The following BRWD1 variants were observed in gnomAD, a reference collection of about 807,000 sequenced individuals.
BRWD1 encodes bromodomain and WD repeat-containing protein 1.
BRWD1 carries 82 observed loss-of-function variants against 251.2 expected under a neutral mutation model. The observed-to-expected ratio is 0.33, with a 90% CI of 0.27 to 0.39. BRWD1 has a LOEUF of 0.39. Among genes scored for constraint, BRWD1 ranks in the 10% least tolerant of loss-of-function variants. BRWD1 has a pLI of 1.00. For synonymous variants in BRWD1, 918 were observed against 902.8 expected, an observed-to-expected ratio of 1.02 and a Z score of -0.30; for missense variants, 2,233 against 2,711.6, an observed-to-expected ratio of 0.82 and a Z score of 3.92.
At chr21:39,222,786 T>C (rs2033229416) in intron 29 of BRWD1, among the ~76,000 whole-genome samples, 1 of 152,154 alleles carries the variant, frequency 6.6e-6, no homozygotes, top group Non-Finnish European at 1.5e-5. Flanking sequence ...AGAAACAAGA[T>C]TTTTGCAGCA....
intron 22 of BRWD1, among the ~76,000 whole-genome samples, chr21:39,237,046 T>G (rs566349302): frequency 6.6e-6 from 1 of 152,112 alleles, no homozygotes; most frequent in Admixed American, 6.5e-5. Context: ...AATTTAGGTA[T>G]ATTGTAGATA....
At chr21:39,299,239 G>T (rs1172942458) in intron 4 of BRWD1, among the ~76,000 whole-genome samples, 2 of 64,338 alleles carry the variant, frequency 3.1e-5, no homozygotes, top group African/African-American at 1.1e-4. Flanking sequence ...ACGCTAACTC[G>T]CCTGTCTCAA....
At position 39,202,513 on chromosome 21, in the gene BRWD1, G is replaced by T. The variant is rs758311275; in HGVS notation, c.4397C>A (p.Thr1466Lys). 1.9e-6 allele frequency: 3 copies of T among 1,613,032 alleles called. No individual in the cohort carries two copies. Among genetic ancestry groups the T allele is most frequent in the Non-Finnish European group, 1.7e-6 (2 of 1,179,128 alleles). The change falls in exon 38 of 41, where the codon ACA becomes AAA. Residue 1466 changes from threonine to lysine, a missense_variant. Coordinates refer to ENST00000342449, the MANE Select transcript of BRWD1 (RefSeq NM_033656.4). ...ACCTACCAACTCAGGAATTATTTTT[G>T]TCTGAGATTTTAACCTCTTCGGCTT... ...NLKPKRLKSQ[T>K]KIIPELVGSP... is the part of the protein sequence containing the mutation.
intron 7 of BRWD1, among the ~76,000 whole-genome samples, chr21:39,294,691 TATA>T (rs1047627929): frequency 1.3e-5 from 2 of 150,194 alleles, no homozygotes; most frequent in Non-Finnish European, 3.0e-5. Context: ...CATCAAGCTA[TATA>T]ATGTGATGAA....
Position 39,192,093 on chromosome 21 carries a change from C to A in BRWD1, c.*4166G>T, listed in dbSNP as rs552025066. Reference sequence around the variant, plus strand: ...ACACCAATTTAAAGATATTTTTCTACCAATTTAACAATATATTAGGAACCA... The same window carrying A: ...ACACCAATTTAAAGATATTTTTCTAACAATTTAACAATATATTAGGAACCA... On this transcript the variant is annotated 3_prime_UTR_variant, in exon 41 of 41. Transcript: ENST00000342449. 1,045 of 984,964 alleles carry A rather than the reference C, an allele frequency of 1.1e-3. No individual in the cohort carries two copies. Among genetic ancestry groups the A allele is most frequent in the Non-Finnish European group, 1.2e-3 (1,005 of 829,744 alleles). 61.0% of individuals were successfully genotyped at this position (984,964 alleles called of 1,614,324 possible).
At chr21:39,313,890 C>G (rs956383727), upstream of BRWD1, 6 of 322,680 alleles carry the variant, frequency 1.9e-5, no homozygotes, top group East Asian at 6.9e-4. Context: ...GAGGCGGCTG[C>G]CCGGGCTTTG....
intron 31 of BRWD1, among the ~76,000 whole-genome samples, chr21:39,217,945 C>T (rs978769926): frequency 1.3e-5 from 2 of 150,866 alleles, no homozygotes; most frequent in African/African-American, 2.4e-5. Context: ...GAAAAAAAAA[C>T]GAGGGTGAAA....
intron 4 of BRWD1, among the ~76,000 whole-genome samples, chr21:39,301,978 G>GGTT (rs1555877802): frequency 1.3e-5 from 1 of 79,866 alleles, no homozygotes; most frequent in Non-Finnish European, 2.2e-5. Flanking sequence ...AGCTTTGTGT[G>GGTT]TTTTTTTTTT....
At chr21:39,247,946 C>T (rs1024573469) in intron 20 of BRWD1, 114 bp from the exon 21 acceptor site, 2 of 1,241,386 alleles carry the variant, frequency 1.6e-6, no homozygotes, top group Non-Finnish European at 2.1e-6. Flanking sequence ...GAAAAAAAGG[C>T]TTAAAAAGAA....
At chr21:39,320,628 C>T (rs1056540429) in intron 1 of BRWD1, among the ~76,000 whole-genome samples, 1 of 151,782 alleles carries the variant, frequency 6.6e-6, no homozygotes, top group Non-Finnish European at 1.5e-5. Flanking sequence ...CTACCATACC[C>T]AAGCCGTTAA....
chr21:39,231,046 C>T lies in BRWD1; in HGVS notation c.3000+1131G>A, dbSNP rs375773199. 1.2e-4 allele frequency among the ~76,000 whole-genome samples: 18 copies of T among 152,064 alleles called. No individual in the cohort carries two copies. The South Asian group carries it at 1.9e-3, about 16-fold the overall frequency. On this transcript the variant is annotated intron_variant, in intron 25 of 40. Coordinates refer to ENST00000342449, the MANE Select transcript of BRWD1 (RefSeq NM_033656.4). The stretch of plus-strand genomic sequence containing the variant: ...TAAGTTAAACAGACATAAATAAAAC[C>T]GCCAATGTATATAAAGCCTAACTTA...
chr21:39,231,379 T>G, intron 25 of BRWD1, among the ~76,000 whole-genome samples: 1 of 152,124 alleles, frequency 6.6e-6, no homozygotes, highest in Non-Finnish European at 1.5e-5. Context: ...TCAACAAATA[T>G]TTTTCAACCT....
intron 21 of BRWD1, among the ~76,000 whole-genome samples, chr21:39,239,031 G>C (rs2033904265): frequency 6.6e-6 from 1 of 152,022 alleles, no homozygotes; most frequent in East Asian, 1.9e-4. Flanking sequence ...TTTTAAATTA[G>C]GCTGCCTTCT....
chr21:39,279,013 G>C (rs2035366425), intron 9 of BRWD1, among the ~76,000 whole-genome samples, 200 bp from the exon 10 acceptor site: 1 of 152,056 alleles, frequency 6.6e-6, no homozygotes, highest in African/African-American at 2.4e-5. Context: ...GGGGACCACA[G>C]GCACACAACA....
intron 21 of BRWD1, among the ~76,000 whole-genome samples, chr21:39,245,313 C>A (rs1465075106): frequency 6.6e-6 from 1 of 152,114 alleles, no homozygotes; most frequent in Admixed American, 6.5e-5. Context: ...GTATTAGGCA[C>A]TATTTAAACA....
At chr21:39,297,157 G>T (rs13625) in intron 5 of BRWD1, 349,871 of 985,000 alleles carry the variant, frequency 0.36, 63,455 homozygotes, top group Middle Eastern at 0.38. Flanking sequence ...GGAGATAGCA[G>T]CAGAACATAG....
chr21:39,232,754 A>C (rs2033666096), intron 23 of BRWD1, among the ~76,000 whole-genome samples: 1 of 152,168 alleles, frequency 6.6e-6, no homozygotes, highest in Admixed American at 6.5e-5. Flanking sequence ...GCTATTTTAC[A>C]TCCCATTTTA....
chr21:39,297,426 C>T (rs746687710), intron 5 of BRWD1: 1 of 984,698 alleles, frequency 1.0e-6, no homozygotes, highest in Non-Finnish European at 1.2e-6. Context: ...AAGGTCTGGC[C>T]AGTTCTAAAT....
At chr21:39,215,785 G>A (rs1248871950) in intron 31 of BRWD1, among the ~76,000 whole-genome samples, 1 of 152,150 alleles carries the variant, frequency 6.6e-6, no homozygotes, top group Non-Finnish European at 1.5e-5. Context: ...CATGAGCCCA[G>A]GGGTTCAAGA....
Sources: allele counts gnomAD v4.1 joint callset (sites outside exome capture counted in the v4.1 genomes callset), GRCh38; gene constraint gnomAD v4.1.1; transcripts MANE v1.5; gene names NCBI Gene and HGNC (gene_info 2026-07-23, HGNC 2026-07-21).